Variants in ADSS1 observed in about 807,000 individuals in gnomAD.
ADSS1 encodes adenylosuccinate synthetase isozyme 1.
ADSS1 carries 57 observed loss-of-function variants against 59.1 expected under a neutral mutation model. The ratio of observed to expected loss-of-function variants is 0.97; its 90% CI spans 0.78 to 1.20. The LOEUF (loss-of-function observed/expected upper bound fraction) is 1.20. ADSS1 is among the 50% of genes most tolerant of loss of function. ADSS1 has a pLI of 0.00. For missense variants in ADSS1, 603 were observed against 610.3 expected, an observed-to-expected ratio of 0.99 and a Z score of 0.13; for synonymous variants, 247 against 249.4, an observed-to-expected ratio of 0.99 and a Z score of 0.09.
intron 12 of ADSS1, 95 bp downstream of exon 12, chr14:104,746,480 C>G: frequency 1.4e-6 from 2 of 1,449,866 alleles, no homozygotes; most frequent in Non-Finnish European, 1.8e-6. Flanking sequence ...ATAAGAAAAC[C>G]AAGTGTGGTC....
In ADSS1 at chr14:104,736,881, GATATATATATATATATAT is replaced by G. The variant is rs57122419; in HGVS notation, c.296-1480_296-1463del. Among the ~76,000 whole-genome samples the G allele has an allele frequency of 5.7e-4, 61 of 106,598 alleles. 1 individual carries two copies. Among genetic ancestry groups the G allele is most frequent in the African/African-American group, 1.5e-3 (43 of 28,146 alleles). The allele number at this position is 106,598 out of a possible 152,430, so 69.9% of individuals were successfully genotyped here. A position where few individuals can be genotyped will look rare whatever the true frequency, so the allele number is the denominator to read the frequency against. On this transcript the variant is annotated intron_variant, in intron 2 of 12. Coordinates refer to ENST00000330877, the MANE Select transcript of ADSS1 (RefSeq NM_152328.5). ...CAGGCTTATGCCACCGCACCTAGCT[GATATATATATATATATAT>G]ATATATATATATATGCATTTTTTTT... is the stretch of plus-strand genomic sequence containing the variant.
At chr14:104,727,342 C>T (rs964582095) in intron 1 of ADSS1, among the ~76,000 whole-genome samples, 1 of 152,224 alleles carries the variant, frequency 6.6e-6, no homozygotes, top group Middle Eastern at 3.4e-3. Context: ...CCTCACACCT[C>T]GGCTGTCTTT....
At chr14:104,738,781 G>A (rs749462695) in intron 3 of ADSS1, among the ~76,000 whole-genome samples, 10 of 152,224 alleles carry the variant, frequency 6.6e-5, no homozygotes, top group African/African-American at 1.4e-4. Context: ...GGGGCTCTGC[G>A]GAGCATCTGG....
rs1891317307 is a variant in ADSS1 at position 104,740,772 on chromosome 14, A to G, written c.584+64A>G. 6.2e-7 allele frequency: 1 copy of G among 1,612,124 alleles called. No homozygotes were observed. Among genetic ancestry groups the G allele is most frequent in the African/African-American group, 1.3e-5 (1 of 74,956 alleles). ...GAAGTTGCCGGAAGGGACTGTGGCT[A>G]GTGGGGAGGGCCCTGAGGACCAGCA... On this transcript the variant is annotated intron_variant, in intron 6 of 12. Transcript: ENST00000330877. The surrounding 1 kb of genome is among the most constrained non-coding windows in gnomAD (Gnocchi z 4.8).
At chr14:104,724,562 C>A in intron 1 of ADSS1, 100 bp downstream of exon 1, 2 of 1,226,904 alleles carry the variant, frequency 1.6e-6, no homozygotes, top group Non-Finnish European at 2.0e-6. Context: ...CGGTCACTCA[C>A]CCGCTTGGAT....
chr14:104,746,583 G>A (rs1014417449), intron 12 of ADSS1, among the ~76,000 whole-genome samples, 198 bp downstream of exon 12: 12 of 152,200 alleles, frequency 7.9e-5, no homozygotes, highest in Admixed American at 6.5e-4. Flanking sequence ...ACCTTGCCGG[G>A]AGCCCCTGCC....
At chr14:104,725,593 C>G (rs544803789) in intron 1 of ADSS1, among the ~76,000 whole-genome samples, 3 of 152,298 alleles carry the variant, frequency 2.0e-5, no homozygotes, top group South Asian at 2.1e-4. Context: ...GGGACCTCCC[C>G]CCTTGCTCTC....
rs781702955 is a variant in ADSS1, at chr14:104,741,934, G to A, written c.880G>A (p.Val294Met). 126 of 1,613,376 alleles carry A rather than the reference G, an allele frequency of 7.8e-5. No individual in the cohort carries two copies. Among genetic ancestry groups the A allele is most frequent in the Non-Finnish European group, 1.0e-4 (122 of 1,180,020 alleles). Residue 294 changes from valine (V) to methionine (M), a missense_variant, in exon 9 of 13, where the codon GTG becomes ATG. By Grantham distance (21) the Val-to-Met change is conservative. Transcript: ENST00000330877. ...CATCCCCCCGCAGAACATAGGTGAC[G>A]TGTATGGCGTGGTGAAAGCCTATAC... ...LGIPPQNIGD[V>M]YGVVKAYTTR...
intron 1 of ADSS1, among the ~76,000 whole-genome samples, chr14:104,730,853 C>T (rs1890899698): frequency 6.6e-6 from 1 of 151,276 alleles, no homozygotes; most frequent in Non-Finnish European, 1.5e-5. Context: ...TGGGCCTTGT[C>T]CAGGATGGAG....
At chr14:104,728,549 G>C (rs1393387763) in intron 1 of ADSS1, among the ~76,000 whole-genome samples, 9 of 152,182 alleles carry the variant, frequency 5.9e-5, no homozygotes, top group African/African-American at 2.2e-4. Flanking sequence ...GAGTGAAGCA[G>C]TGTAAGTGGG....
chr14:104,725,426 C>T (rs1022122134), intron 1 of ADSS1, among the ~76,000 whole-genome samples: 25 of 152,188 alleles, frequency 1.6e-4, no homozygotes, highest in Non-Finnish European at 2.9e-4. Flanking sequence ...ACCGTCCCTT[C>T]TCCGGGTTCT....
chr14:104,730,425 G>A (rs1890879555), intron 1 of ADSS1, among the ~76,000 whole-genome samples: 1 of 152,120 alleles, frequency 6.6e-6, no homozygotes, highest in Non-Finnish European at 1.5e-5. Context: ...AGGAGGCAGA[G>A]GTTGCAGTGA....
In ADSS1 at chr14:104,740,950, C is replaced by T. The variant is rs202096406; in HGVS notation, c.666+30C>T. 7.0e-5 allele frequency: 113 copies of T among 1,613,356 alleles called. No homozygotes were observed. The Admixed American group carries it at 1.7e-3, about 25-fold the overall frequency. ...AGTCGGGGCCGCAGTGTGGGGGCTG[C>T]GGAAGTGCTCCTCCAGGGAGGCTGG... On this transcript the variant is annotated intron_variant, in intron 7 of 12. Coordinates refer to ENST00000330877, the MANE Select transcript of ADSS1 (RefSeq NM_152328.5). The surrounding 1 kb of genome is among the most constrained non-coding windows in gnomAD (Gnocchi z 4.8).
chr14:104,739,199 C>A, intron 3 of ADSS1, 129 bp from the exon 4 acceptor site: 1 of 904,716 alleles, frequency 1.1e-6, no homozygotes, highest in Non-Finnish European at 1.7e-6. Context: ...CAGAGGTGGC[C>A]CTGTCAGCCT....
In ADSS1 at chr14:104,740,846, A is replaced by T; in HGVS notation, c.592A>T (p.Asn198Tyr). ...TGACTGTCCCTTGTGCAGATTCAAG[A>T]ACCTGGCCCACCAGCACCAGTCGAT... is the stretch of plus-strand genomic sequence containing the variant. ...DFDEFSSRFK[N>Y]LAHQHQSMFP... Residue 198 changes from asparagine to tyrosine, a missense_variant, in exon 7 of 13, where the codon AAC (asparagine) becomes TAC (tyrosine). Transcript: ENST00000330877. The surrounding 1 kb of genome is among the most constrained non-coding windows in gnomAD (Gnocchi z 4.8). The T allele has an allele frequency of 6.2e-7, 1 of 1,613,826 alleles. No individual in the cohort carries two copies. Among genetic ancestry groups the T allele is most frequent in the Non-Finnish European group, 8.5e-7 (1 of 1,179,978 alleles).
chr14:104,733,526 G>A (rs1222336628), intron 1 of ADSS1, among the ~76,000 whole-genome samples: 2 of 152,326 alleles, frequency 1.3e-5, no homozygotes, highest in South Asian at 2.1e-4. Flanking sequence ...GGAGGGGGCC[G>A]CCATCACGGA....
chr14:104,741,744 C>T (rs924139636), intron 8 of ADSS1, 104 bp from the exon 9 acceptor site: 36 of 1,472,896 alleles, frequency 2.4e-5, no homozygotes, highest in Admixed American at 1.0e-4. Context: ...GGGCCCCCCA[C>T]GGTTTGAACT....
intron 9 of ADSS1, 39 bp downstream of exon 9, chr14:104,742,041 G>A (rs1463853135): frequency 4.4e-6 from 7 of 1,607,186 alleles, no homozygotes; most frequent in Non-Finnish European, 5.9e-6. Flanking sequence ...GGGAGGACAG[G>A]GAGGCCAGGC....
Position 104,741,200 on chromosome 14 carries a change from C to A in ADSS1, c.750C>A (p.Ile250=). ...CACTCCACGGCCCCCCCAAGAAGATCCTGGTGGAGGGTGCCAACGCCGCCC... is the reference window on the plus strand; with the variant it reads ...CACTCCACGGCCCCCCCAAGAAGATACTGGTGGAGGGTGCCAACGCCGCCC... ...YEALHGPPKK[I]LVEGANAALL... Residue 250 remains isoleucine (I), a synonymous_variant, in exon 8 of 13, where the codon ATC becomes ATA. Transcript: ENST00000330877. 6.2e-7 allele frequency: 1 copy of A among 1,611,578 alleles called. No individual in the cohort carries two copies. The highest frequency in any genetic ancestry group is 8.5e-7 in the Non-Finnish European group (1 of 1,178,910).
Sources: allele counts gnomAD v4.1 joint callset (sites outside exome capture counted in the v4.1 genomes callset), GRCh38; gene constraint gnomAD v4.1.1; non-coding constraint Gnocchi (gnomAD v3.1); transcripts MANE v1.5; gene names NCBI Gene and HGNC (gene_info 2026-07-23, HGNC 2026-07-21).